GALNT13: variants seen among roughly 807,000 people sequenced by gnomAD.
GALNT13 encodes the protein UDP-GalNAc:polypeptide N-acetylgalactosaminyltransferase 13.
A neutral mutation model predicts 64.2 loss-of-function variants in GALNT13; 28 were observed. The observed-to-expected ratio is 0.44, with a 90% CI of 0.32 to 0.60. The LOEUF is 0.60. GALNT13 is among the 20% of genes least tolerant of loss of function. The pLI is 0.05. For synonymous variants in GALNT13, 214 were observed against 224.6 expected, an observed-to-expected ratio of 0.95 and a Z score of 0.42; for missense variants, 577 against 669.8, an observed-to-expected ratio of 0.86 and a Z score of 1.53.
chr2:154,279,502 G>C (rs996130981), intron 8 of GALNT13, among the ~76,000 whole-genome samples: 1 of 152,130 alleles, frequency 6.6e-6, no homozygotes, highest in Non-Finnish European at 1.5e-5. Context: ...TTGATAACAG[G>C]TGAAAATTTT....
chr2:154,272,797 T>C (rs570726017), intron 8 of GALNT13, among the ~76,000 whole-genome samples: 5 of 152,262 alleles, frequency 3.3e-5, no homozygotes, highest in African/African-American at 9.6e-5. Flanking sequence ...TAAATCTAAA[T>C]ATATGCTGCC....
At chr2:153,481,045 G>T in the GALNT13 span, among the ~76,000 whole-genome samples, 52 of 152,152 alleles carry the variant, frequency 3.4e-4, 3 homozygotes, top group South Asian at 5.8e-3. Flanking sequence ...CAAATCTTTG[G>T]GTGGGATCTT....
chr2:153,431,397 G>A, the GALNT13 span, among the ~76,000 whole-genome samples: 5 of 150,494 alleles, frequency 3.3e-5, no homozygotes, highest in Admixed American at 6.6e-5. Context: ...GCTAATAAAT[G>A]ACCATCCTAA....
At chr2:153,620,395 A>G in the GALNT13 span, among the ~76,000 whole-genome samples, 1 of 152,026 alleles carries the variant, frequency 6.6e-6, no homozygotes, top group Non-Finnish European at 1.5e-5. Context: ...AAGTGCTGGG[A>G]TTACAGGTGT....
At chr2:154,344,065 T>C (rs1695924506) in intron 9 of GALNT13, among the ~76,000 whole-genome samples, 7 of 152,030 alleles carry the variant, frequency 4.6e-5, no homozygotes. Context: ...CATTACTTGA[T>C]AGAATATGTT....
chr2:153,940,697 C>G lies in GALNT13; in HGVS notation c.-104-3697C>G, dbSNP rs550963001. On this transcript the variant is annotated intron_variant, in intron 2 of 12. Transcript: ENST00000392825. ...GCAAAATTATTTGGTCATTAGTTCA[C>G]AGAAGCTCCTGCCTAACTATTTAAA... is the stretch of plus-strand genomic sequence containing the variant. Among the ~76,000 whole-genome samples, 134 of 152,252 alleles carry G rather than the reference C, an allele frequency of 8.8e-4. 4 individuals carry two copies. In the South Asian group the frequency reaches 0.027, roughly 31 times the overall value.
intron 4 of GALNT13, among the ~76,000 whole-genome samples, chr2:154,187,010 A>G (rs1686290191): frequency 6.6e-6 from 1 of 152,090 alleles, no homozygotes; most frequent in African/African-American, 2.4e-5. Context: ...GTTTATTATG[A>G]AAATAAAATA....
intron 4 of GALNT13, among the ~76,000 whole-genome samples, chr2:154,202,809 A>G (rs916503927): frequency 6.6e-6 from 1 of 152,180 alleles, no homozygotes; most frequent in African/African-American, 2.4e-5. Context: ...CAAAATGACT[A>G]CCATCGGTGA....
chr2:153,992,514 T>A (rs533322006), intron 3 of GALNT13, among the ~76,000 whole-genome samples: 2 of 152,296 alleles, frequency 1.3e-5, no homozygotes, highest in South Asian at 4.1e-4. Flanking sequence ...ATTTTACATA[T>A]AATTCATTGA....
the GALNT13 span, among the ~76,000 whole-genome samples, chr2:153,456,243 C>T: frequency 6.6e-6 from 1 of 152,182 alleles, no homozygotes; most frequent in Non-Finnish European, 1.5e-5. Context: ...TCCAGGGACC[C>T]GCCCTTTTCT....
chr2:154,210,684 T>C (rs1404753365), intron 4 of GALNT13, among the ~76,000 whole-genome samples: 1 of 152,192 alleles, frequency 6.6e-6, no homozygotes, highest in African/African-American at 2.4e-5. Context: ...ATGATCATAA[T>C]TTAATTTTTA....
rs1159864151 is a variant in GALNT13, at chr2:154,409,070, G to A, written c.1383G>A (p.Met461Ile). ...EKVGIFNCHG[M>I]GGNQVFSYTA... is the part of the protein sequence containing the mutation. ...TGGGTATATTCAACTGTCATGGTAT[G>A]GGAGGAAATCAGGTAAACTCTCCCT... The change falls in exon 11 of 13, where the codon ATG becomes ATA. Residue 461 changes from methionine to isoleucine, a missense_variant. This residue lies in a region of GALNT13 where 232 missense variants were observed against 270.6 expected (regional missense o/e 0.86). Transcript: ENST00000392825. 6.2e-7 allele frequency: 1 copy of A among 1,603,734 alleles called. No individual in the cohort carries two copies. Among genetic ancestry groups the A allele is most frequent in the African/African-American group, 1.3e-5 (1 of 74,648 alleles).
intron 4 of GALNT13, among the ~76,000 whole-genome samples, chr2:154,212,281 A>G (rs574801742): frequency 4.2e-4 from 64 of 151,774 alleles, no homozygotes; most frequent in Non-Finnish European, 6.9e-4. Context: ...GTCTTGCTCT[A>G]TCGCCCAGGC....
intron 4 of GALNT13, among the ~76,000 whole-genome samples, chr2:154,147,719 T>A (rs1683702832): frequency 6.6e-6 from 1 of 152,076 alleles, no homozygotes; most frequent in Non-Finnish European, 1.5e-5. Context: ...TGTTTGTTTT[T>A]GCAAATTCTA....
intron 1 of GALNT13, among the ~76,000 whole-genome samples, chr2:153,884,515 A>C (rs1687001987): frequency 6.6e-6 from 1 of 151,856 alleles, no homozygotes; most frequent in Non-Finnish European, 1.5e-5. Flanking sequence ...ACGTGATAGC[A>C]ATAATTCCCT....
the GALNT13 span, among the ~76,000 whole-genome samples, chr2:153,806,903 A>G: frequency 7.4e-5 from 10 of 135,940 alleles, no homozygotes; most frequent in Non-Finnish European, 1.3e-4. Context: ...GTGTTTCAAG[A>G]TGTACACTTT....
At chr2:153,317,527 A>G in the GALNT13 span, among the ~76,000 whole-genome samples, 1 of 152,092 alleles carries the variant, frequency 6.6e-6, no homozygotes. Context: ...GACATTCTGA[A>G]TTGATCTTCA....
chr2:153,745,774 G>A, the GALNT13 span, among the ~76,000 whole-genome samples: 7 of 152,228 alleles, frequency 4.6e-5, no homozygotes, highest in South Asian at 1.4e-3. Context: ...GGACTGGAGT[G>A]CAGTGAGGCA....
the GALNT13 span, among the ~76,000 whole-genome samples, chr2:153,245,148 T>G: frequency 6.6e-6 from 1 of 152,244 alleles, no homozygotes; most frequent in African/African-American, 2.4e-5. Flanking sequence ...GCTCTCATCT[T>G]CCTGGGACAG....
Sources: allele counts gnomAD v4.1 joint callset (sites outside exome capture counted in the v4.1 genomes callset), GRCh38; gene constraint gnomAD v4.1.1; regional missense constraint gnomAD v4.1.1; transcripts MANE v1.5; gene names NCBI Gene and HGNC (gene_info 2026-07-23, HGNC 2026-07-21).